The following TMEM132D variants were observed in gnomAD, a reference collection of about 807,000 sequenced individuals.
TMEM132D encodes the protein mature OL transmembrane protein.
TMEM132D carries 21 observed loss-of-function variants against 62.3 expected under a neutral mutation model. That is an observed-to-expected ratio of 0.34 (90% CI 0.24 to 0.49). The LOEUF (loss-of-function observed/expected upper bound fraction) is 0.49, where lower values mean the gene tolerates loss of function less well. Among genes scored for constraint, TMEM132D ranks in the 20% least tolerant of loss-of-function variants. The probability of loss-of-function intolerance (pLI) is 0.99; values close to 1 mark genes in which losing one functional copy is unlikely to be tolerated. For synonymous variants in TMEM132D, 621 were observed against 575.6 expected, an observed-to-expected ratio of 1.08 and a Z score of -1.13; for missense variants, 1,346 against 1,402.8, an observed-to-expected ratio of 0.96 and a Z score of 0.65.
At chr12:129,395,603 G>C in intron 3 of TMEM132D, among the ~76,000 whole-genome samples, 1 of 151,572 alleles carries the variant, frequency 6.6e-6, no homozygotes, top group Admixed American at 6.6e-5. Context: ...CTTTTCTGTG[G>C]ATTGCAAATG....
At chr12:129,287,551 C>T (rs1340711086) in intron 4 of TMEM132D, among the ~76,000 whole-genome samples, 2 of 152,074 alleles carry the variant, frequency 1.3e-5, no homozygotes, top group Non-Finnish European at 2.9e-5. Flanking sequence ...ACTTTTGCAC[C>T]AACCTAGTAT....
At chr12:129,558,133 T>C (rs931918047) in intron 2 of TMEM132D, among the ~76,000 whole-genome samples, 2 of 152,138 alleles carry the variant, frequency 1.3e-5, no homozygotes, top group Admixed American at 1.3e-4. Flanking sequence ...ATTTGATGTT[T>C]ATAGGGACAG....
chr12:129,526,377 C>T (rs1201638240), intron 3 of TMEM132D, among the ~76,000 whole-genome samples: 1 of 152,114 alleles, frequency 6.6e-6, no homozygotes, highest in East Asian at 1.9e-4. Flanking sequence ...TTCTGCCTCC[C>T]AGGTTCAAGC....
At chr12:129,534,834 C>T (rs1427250969) in intron 2 of TMEM132D, among the ~76,000 whole-genome samples, 1 of 152,198 alleles carries the variant, frequency 6.6e-6, no homozygotes, top group African/African-American at 2.4e-5. Context: ...CTGTCTATTG[C>T]TTCCTTCTCT....
At chr12:129,416,274 C>T (rs942805399) in intron 3 of TMEM132D, among the ~76,000 whole-genome samples, 5 of 152,190 alleles carry the variant, frequency 3.3e-5, no homozygotes, top group Admixed American at 3.3e-4. Flanking sequence ...TCCTTCATGT[C>T]CCCTGTAAGT....
chr12:129,080,147 C>T (rs191030224), intron 7 of TMEM132D, among the ~76,000 whole-genome samples: 1 of 152,260 alleles, frequency 6.6e-6, no homozygotes, highest in Admixed American at 6.5e-5. Context: ...TTTTGTCTGA[C>T]ATAAATCATA....
chr12:129,762,410 CA>C (rs1281180130), intron 1 of TMEM132D, among the ~76,000 whole-genome samples: 1 of 152,006 alleles, frequency 6.6e-6, no homozygotes, highest in Non-Finnish European at 1.5e-5. Context: ...AATCCCAGAA[CA>C]AGACACTATT....
intron 2 of TMEM132D, among the ~76,000 whole-genome samples, chr12:129,603,345 T>C (rs1235176321): frequency 6.6e-6 from 1 of 152,204 alleles, no homozygotes; most frequent in Non-Finnish European, 1.5e-5. Context: ...ACATTTCTAC[T>C]GTCTCCGAGG....
chr12:129,700,006 C>T lies in TMEM132D; in HGVS notation c.772G>A (p.Asp258Asn), dbSNP rs1253234057. Residue 258 changes from aspartate (D) to asparagine (N), a missense_variant, in exon 2 of 9, where the codon GAT becomes AAT. Physicochemically the swap from Asp to Asn is conservative, Grantham distance 23. Coordinates refer to ENST00000422113, the MANE Select transcript of TMEM132D (RefSeq NM_133448.3). ...NGIRTGHSDI[D>N]ESGPPLQRIG... ...CTCTGCAAGGGGGGCCCGGACTCATCGATGTCACTGTGGCCTGTCCGGATC... is the reference window on the plus strand; with the variant it reads ...CTCTGCAAGGGGGGCCCGGACTCATTGATGTCACTGTGGCCTGTCCGGATC... The T allele has an allele frequency of 1.8e-5, 29 of 1,613,946 alleles. No individual in the cohort carries two copies. Among genetic ancestry groups the T allele is most frequent in the Middle Eastern group, 1.6e-4 (1 of 6,084 alleles).
At position 129,337,622 on chromosome 12, in the gene TMEM132D, G is replaced by C. The variant is rs1283502873; in HGVS notation, c.1299+12C>G. ...AGTTCAGTTCTAACAGCCCAGGGCG[G>C]GGCTTGCTTACCATAGCCAGCGGCA... On this transcript the variant is annotated intron_variant, in intron 4 of 8. Coordinates refer to ENST00000422113, the MANE Select transcript of TMEM132D (RefSeq NM_133448.3). The C allele has an allele frequency of 1.2e-6, 2 of 1,613,612 alleles. No individual in the cohort carries two copies. The highest frequency in any genetic ancestry group is 1.7e-6 in the Non-Finnish European group (2 of 1,179,796).
intron 5 of TMEM132D, among the ~76,000 whole-genome samples, chr12:129,103,243 C>T (rs1300908301): frequency 1.3e-5 from 2 of 152,180 alleles, no homozygotes; most frequent in Non-Finnish European, 2.9e-5. Flanking sequence ...TCTTGCTGTT[C>T]CCATGAGCAT....
rs997934098 is a variant in TMEM132D, at chr12:129,350,117, A to G, written c.1116-12300T>C. 3.3e-5 allele frequency among the ~76,000 whole-genome samples: 5 copies of G among 152,210 alleles called. No homozygotes were observed. The East Asian group carries it at 9.6e-4, about 29-fold the overall frequency. ...CAGCCCTTTTGAAATAATGAATGGA[A>G]GACCTTTCTTAACTACAGGCCTCCT... On this transcript the variant is annotated intron_variant, in intron 3 of 8. Coordinates refer to ENST00000422113, the MANE Select transcript of TMEM132D (RefSeq NM_133448.3).
At chr12:129,154,662 T>G (rs1322093167) in intron 5 of TMEM132D, among the ~76,000 whole-genome samples, 1 of 152,238 alleles carries the variant, frequency 6.6e-6, no homozygotes, top group Non-Finnish European at 1.5e-5. Context: ...CTATATCTGG[T>G]TCAGTAACAG....
At chr12:129,464,432 T>C (rs1873811140) in intron 3 of TMEM132D, among the ~76,000 whole-genome samples, 1 of 152,228 alleles carries the variant, frequency 6.6e-6, no homozygotes, top group Non-Finnish European at 1.5e-5. Flanking sequence ...GCCTGTTCAC[T>C]CTGATGGTAG....
At chr12:129,605,660 C>CATAT (rs34667480) in intron 2 of TMEM132D, among the ~76,000 whole-genome samples, 64 of 140,892 alleles carry the variant, frequency 4.5e-4, no homozygotes, top group African/African-American at 1.3e-3. Flanking sequence ...TATACATATA[C>CATAT]ATATATATAT....
intron 1 of TMEM132D, among the ~76,000 whole-genome samples, chr12:129,736,910 C>G (rs139391469): frequency 6.6e-6 from 1 of 151,608 alleles, no homozygotes; most frequent in Non-Finnish European, 1.5e-5. Flanking sequence ...CTCTGCCACC[C>G]GGGCTCAAGC....
At chr12:129,289,102 A>G (rs1178153646) in intron 4 of TMEM132D, among the ~76,000 whole-genome samples, 8 of 152,076 alleles carry the variant, frequency 5.3e-5, no homozygotes, top group Admixed American at 3.3e-4. Flanking sequence ...GGATGGGGGT[A>G]TCGGGGGGAA....
chr12:129,131,376 G>A (rs980323820), intron 5 of TMEM132D, among the ~76,000 whole-genome samples: 9 of 152,222 alleles, frequency 5.9e-5, no homozygotes, highest in African/African-American at 2.2e-4. Flanking sequence ...GGAGGCCAAG[G>A]TGGGCGGATT....
At chr12:129,076,838 C>T (rs1864738744) in intron 8 of TMEM132D, among the ~76,000 whole-genome samples, 1 of 152,180 alleles carries the variant, frequency 6.6e-6, no homozygotes, top group South Asian at 2.1e-4. Flanking sequence ...CTTCTTCTAG[C>T]TGCATCTTAT....
Sources: gnomAD v4.1 joint callset for allele counts (sites outside exome capture counted in the v4.1 genomes callset) on GRCh38, gnomAD v4.1.1 for gene constraint, MANE v1.5 for transcripts, NCBI Gene and HGNC (gene_info 2026-07-23, HGNC 2026-07-21) for gene names.